SORCS2: variants seen among roughly 807,000 people sequenced by gnomAD.
SORCS2 encodes VPS10 domain-containing receptor SorCS2.
In SORCS2, 100 loss-of-function variants were observed where a neutral mutation model predicts 141.6. The observed-to-expected ratio is 0.71, with a 90% CI of 0.60 to 0.83. SORCS2 has a LOEUF of 0.83. Among genes scored for constraint, SORCS2 ranks in the 40% least tolerant of loss-of-function variants. The pLI is 0.00. For synonymous variants in SORCS2, 789 were observed against 676.9 expected (o/e 1.17, Z -2.57); for missense variants, 1,646 against 1,560.2 (o/e 1.05, Z -0.93).
intron 18 of SORCS2, among the ~76,000 whole-genome samples, chr4:7,722,630 T>A (rs1726668575): frequency 1.3e-5 from 2 of 152,166 alleles, no homozygotes; most frequent in East Asian, 3.9e-4. Flanking sequence ...CAGATGCCTG[T>A]CACTGGATTT....
Position 7,732,843 on chromosome 4 carries a change from G to A in SORCS2, c.3109-479G>A, listed in dbSNP as rs1031056390. 3.3e-5 allele frequency among the ~76,000 whole-genome samples: 5 copies of A among 152,128 alleles called. No individual in the cohort carries two copies. In the East Asian group the frequency reaches 9.7e-4, roughly 29 times the overall value. ...TCTTGGTGAAAGTTCCCTTGTGGGTGATTATTCCCGTGGTACAAAGGAGGA... is the reference window on the plus strand; with the variant it reads ...TCTTGGTGAAAGTTCCCTTGTGGGTAATTATTCCCGTGGTACAAAGGAGGA... On this transcript the variant is annotated intron_variant, in intron 23 of 26. Coordinates refer to ENST00000507866, the MANE Select transcript of SORCS2 (RefSeq NM_020777.3).
intron 12 of SORCS2, among the ~76,000 whole-genome samples, chr4:7,699,047 G>A (rs1430913046): frequency 6.6e-6 from 1 of 152,202 alleles, no homozygotes; most frequent in African/African-American, 2.4e-5. Context: ...ATGCCAGAGT[G>A]CATCTGGTTT....
At chr4:7,719,983 A>C (rs576948275) in intron 18 of SORCS2, among the ~76,000 whole-genome samples, 11 of 152,054 alleles carry the variant, frequency 7.2e-5, no homozygotes, top group Non-Finnish European at 1.2e-4. Context: ...TACGCTAGGG[A>C]AGCTGGTGGG....
intron 1 of SORCS2, among the ~76,000 whole-genome samples, chr4:7,378,615 C>G (rs957136499): frequency 6.6e-6 from 1 of 152,200 alleles, no homozygotes; most frequent in Non-Finnish European, 1.5e-5. Context: ...TGGTCCCGCC[C>G]TTGACACGTG....
intron 3 of SORCS2, among the ~76,000 whole-genome samples, chr4:7,547,569 T>C (rs1713355746): frequency 6.6e-6 from 1 of 152,242 alleles, no homozygotes; most frequent in Non-Finnish European, 1.5e-5. Context: ...CCGACACATC[T>C]GGCCCCACCT....
chr4:7,389,396 G>A (rs749700200), intron 1 of SORCS2, among the ~76,000 whole-genome samples: 2 of 152,156 alleles, frequency 1.3e-5, no homozygotes, highest in East Asian at 1.9e-4. Context: ...GACTCAGGCC[G>A]GCCACTGCCC....
chr4:7,582,172 G>A (rs1442941080), intron 3 of SORCS2, among the ~76,000 whole-genome samples: 1 of 152,164 alleles, frequency 6.6e-6, no homozygotes, highest in Non-Finnish European at 1.5e-5. Flanking sequence ...ACTTTGAAAT[G>A]AAGGCGTTAT....
At chr4:7,234,189 G>C (rs1008677922) in intron 1 of SORCS2, among the ~76,000 whole-genome samples, 1 of 152,236 alleles carries the variant, frequency 6.6e-6, no homozygotes, top group Non-Finnish European at 1.5e-5. Flanking sequence ...GAAATGTATT[G>C]ATTCTTTTGA....
In SORCS2 at chr4:7,567,219, A is replaced by G. The variant is rs114720679; in HGVS notation, c.648+35590A>G. Among the ~76,000 whole-genome samples, 580 of 152,330 alleles carry G rather than the reference A, an allele frequency of 3.8e-3. 2 individuals are homozygous for G. The highest frequency in any genetic ancestry group is 0.01 in the Middle Eastern group (3 of 294). The stretch of plus-strand genomic sequence containing the variant: ...TCTGACATTGGTATGTACATTTGTC[A>G]TGACTAAGGAACCAATATGGATGCG... On this transcript the variant is annotated intron_variant, in intron 3 of 26. Transcript: ENST00000507866.
chr4:7,737,514 G>C (rs1422990494), intron 26 of SORCS2, among the ~76,000 whole-genome samples: 2 of 152,208 alleles, frequency 1.3e-5, no homozygotes, highest in South Asian at 2.1e-4. Context: ...TCGGGCCTCA[G>C]GACGTGGGAG....
intron 3 of SORCS2, among the ~76,000 whole-genome samples, chr4:7,548,437 C>A (rs979019601): frequency 1.3e-5 from 2 of 152,130 alleles, no homozygotes; most frequent in Non-Finnish European, 1.5e-5. Context: ...ATGAGAGCCG[C>A]CATGTACTAA....
chr4:7,729,857 C>A (rs1711535828), intron 23 of SORCS2, 145 bp downstream of exon 23: 2 of 1,197,538 alleles, frequency 1.7e-6, no homozygotes, highest in African/African-American at 1.5e-5. Flanking sequence ...GGTGGCTTGA[C>A]CTCGTCCACC....
chr4:7,409,342 G>C (rs938443969), intron 2 of SORCS2, among the ~76,000 whole-genome samples: 1 of 152,134 alleles, frequency 6.6e-6, no homozygotes. Context: ...GGGATTTCTG[G>C]GTAGTGTGGG....
chr4:7,222,883 C>G (rs56292936), intron 1 of SORCS2, among the ~76,000 whole-genome samples: 48,313 of 151,874 alleles, frequency 0.32, 8,464 homozygotes, highest in Non-Finnish European at 0.39. Context: ...AGGCTGGAAA[C>G]CATTCCTCTT....
intron 2 of SORCS2, among the ~76,000 whole-genome samples, chr4:7,511,165 C>T (rs1732617187): frequency 6.6e-6 from 1 of 152,052 alleles, no homozygotes; most frequent in South Asian, 2.1e-4. Context: ...CAGACTACAT[C>T]CACGCAGAGC....
At position 7,583,560 on chromosome 4, in the gene SORCS2, C is replaced by T. The variant is rs1207462293; in HGVS notation, c.648+51931C>T. ...GGGGCCCAGTGGGAGATAACTGAAT[C>T]ATGGGGGCAGTTTCCCCCATACTGT... On this transcript the variant is annotated intron_variant, in intron 3 of 26. Transcript: ENST00000507866. Among the ~76,000 whole-genome samples the T allele has an allele frequency of 2.0e-5, 3 of 152,294 alleles. No homozygotes were observed. The East Asian group carries it at 5.8e-4, about 29-fold the overall frequency.
chr4:7,467,155 A>G (rs1310702582), intron 2 of SORCS2, among the ~76,000 whole-genome samples: 1 of 152,160 alleles, frequency 6.6e-6, no homozygotes, highest in African/African-American at 2.4e-5. Context: ...TGGCCAGAGC[A>G]TGCCACAAGT....
rs1577131106 is a variant in SORCS2 at position 7,729,724 on chromosome 4, G to C, written c.3108+12G>C. On this transcript the variant is annotated intron_variant, in intron 23 of 26. Coordinates refer to ENST00000507866, the MANE Select transcript of SORCS2 (RefSeq NM_020777.3). ...TCTCGAGTGATAAGGTATGTCCTGT[G>C]GCCGCTGCACTCCCAGGTCCTCCCT... 1.9e-6 allele frequency: 3 copies of C among 1,608,020 alleles called. No individual in the cohort carries two copies. Among genetic ancestry groups the C allele is most frequent in the Non-Finnish European group, 2.5e-6 (3 of 1,176,642 alleles).
chr4:7,651,384 C>T (rs545170485), intron 4 of SORCS2, among the ~76,000 whole-genome samples: 1 of 152,282 alleles, frequency 6.6e-6, no homozygotes, highest in African/African-American at 2.4e-5. Context: ...AGGATGGGAG[C>T]CCAGGCTTCC....
Sources: gnomAD v4.1 joint callset for allele counts (sites outside exome capture counted in the v4.1 genomes callset) on GRCh38, gnomAD v4.1.1 for gene constraint, MANE v1.5 for transcripts, NCBI Gene and HGNC (gene_info 2026-07-23, HGNC 2026-07-21) for gene names.